The following CACNA2D1 variants were observed in gnomAD, a reference collection of about 807,000 sequenced individuals.
CACNA2D1 encodes the protein calcium voltage-gated channel auxiliary subunit alpha2delta 1, also known as voltage-dependent calcium channel subunit alpha-2/delta-1.
Under a neutral mutation model 171.5 loss-of-function variants are expected in CACNA2D1, and 53 were observed. The ratio of observed to expected loss-of-function variants is 0.31; its 90% CI spans 0.25 to 0.39. The LOEUF is 0.39. Ranked by LOEUF, CACNA2D1 falls within the 10% of genes least tolerant of loss-of-function variation. The probability of loss-of-function intolerance (pLI) is 1.00; values close to 1 mark genes in which losing one functional copy is unlikely to be tolerated. For synonymous variants in CACNA2D1, 442 were observed against 443.1 expected (o/e 1.00, Z 0.03); for missense variants, 903 against 1,299.8 (o/e 0.69, Z 4.69).
At chr7:82,214,246 G>A (rs1368588785) in intron 3 of CACNA2D1, among the ~76,000 whole-genome samples, 2 of 152,146 alleles carry the variant, frequency 1.3e-5, no homozygotes, top group Admixed American at 6.5e-5. Flanking sequence ...CATTTGAAAA[G>A]TAAACTTACC....
intron 3 of CACNA2D1, among the ~76,000 whole-genome samples, chr7:82,310,385 G>A (rs1035950245): frequency 6.6e-6 from 1 of 151,898 alleles, no homozygotes; most frequent in African/African-American, 2.4e-5. Context: ...TAATTTAAAG[G>A]TTGCTTTAAA....
intron 10 of CACNA2D1, among the ~76,000 whole-genome samples, chr7:82,054,349 G>C (rs1345768093): frequency 6.6e-6 from 1 of 152,156 alleles, no homozygotes; most frequent in Non-Finnish European, 1.5e-5. Flanking sequence ...TGTTGCACAT[G>C]GTGGTCTGGG....
At chr7:82,169,389 T>C (rs189778396) in intron 4 of CACNA2D1, among the ~76,000 whole-genome samples, 1 of 151,882 alleles carries the variant, frequency 6.6e-6, no homozygotes, top group East Asian at 1.9e-4. Flanking sequence ...ATCAGTTCAG[T>C]AGAGAATCAA....
chr7:82,183,564 G>C (rs1481589815), intron 3 of CACNA2D1, among the ~76,000 whole-genome samples: 3 of 151,876 alleles, frequency 2.0e-5, no homozygotes. Context: ...CTGAACTTCT[G>C]GTTCTTCTTC....
intron 1 of CACNA2D1, among the ~76,000 whole-genome samples, chr7:82,411,320 T>C (rs1217873388): frequency 1.3e-5 from 2 of 152,212 alleles, no homozygotes; most frequent in African/African-American, 2.4e-5. Context: ...GTCTATATAG[T>C]CCAGAACAGG....
rs1792117872 is a variant in CACNA2D1, at chr7:81,947,301, T to A, written c.*3091A>T. 6.6e-6 allele frequency: 1 copy of A among 151,324 alleles called. No homozygotes were observed. The allele number at this position is 151,324 out of a possible 1,614,324, so 9.4% of individuals were successfully genotyped here. A position where few individuals can be genotyped will look rare whatever the true frequency, so the allele number is the denominator to read the frequency against. On this transcript the variant is annotated 3_prime_UTR_variant, in exon 39 of 39. Transcript: ENST00000356860. ...AATAAAAGGAATATTATAGGAAAAC[T>A]TACAAATGGCAGGAACACTGTTTTT... is the stretch of plus-strand genomic sequence containing the variant.
In CACNA2D1 at chr7:81,950,232, T is replaced by C. The variant is rs576908848; in HGVS notation, c.*160A>G. On this transcript the variant is annotated 3_prime_UTR_variant, in exon 39 of 39. Transcript: ENST00000356860. The stretch of plus-strand genomic sequence containing the variant: ...ATCTGACACCCTGACATGCAGCCAG[T>C]GGGTGCCTTAGGAGTCTGCGCCTTA... 174 of 1,262,830 alleles carry C rather than the reference T, an allele frequency of 1.4e-4. 5 individuals carry two copies. The South Asian group carries it at 2.2e-3, about 16-fold the overall frequency. 78.2% of individuals were successfully genotyped at this position (1,262,830 alleles called of 1,614,324 possible).
chr7:82,392,644 A>G (rs1585782541), intron 1 of CACNA2D1, among the ~76,000 whole-genome samples: 1 of 152,190 alleles, frequency 6.6e-6, no homozygotes, highest in Non-Finnish European at 1.5e-5. Flanking sequence ...GAAGTCCCTG[A>G]CTGGCAAAGT....
chr7:82,376,211 C>T (rs1261019979), intron 1 of CACNA2D1, among the ~76,000 whole-genome samples: 3 of 152,130 alleles, frequency 2.0e-5, no homozygotes, highest in African/African-American at 7.2e-5. Flanking sequence ...GGATATTTAT[C>T]CGTCTTGCCA....
intron 10 of CACNA2D1, among the ~76,000 whole-genome samples, chr7:82,059,400 T>C (rs958331121): frequency 1.3e-5 from 2 of 152,134 alleles, no homozygotes; most frequent in Admixed American, 6.6e-5. Flanking sequence ...CAAATATCTA[T>C]TGGTTTTTAT....
intron 3 of CACNA2D1, among the ~76,000 whole-genome samples, chr7:82,293,648 T>C (rs1811925035): frequency 6.6e-6 from 1 of 152,192 alleles, no homozygotes; most frequent in Non-Finnish European, 1.5e-5. Flanking sequence ...TAGTTTCCTG[T>C]TTTAGAATGA....
chr7:82,170,642 A>G, intron 3 of CACNA2D1, 33 bp from the exon 4 acceptor site: 1 of 1,586,578 alleles, frequency 6.3e-7, no homozygotes, highest in Non-Finnish European at 8.7e-7. Flanking sequence ...TAGAATTCAA[A>G]TGAACACGTA....
chr7:82,050,471 G>A (rs1378085020), intron 10 of CACNA2D1: 1 of 661,592 alleles, frequency 1.5e-6, no homozygotes, highest in Non-Finnish European at 2.7e-6. Flanking sequence ...TAGGTAGTGA[G>A]ATGGGTTTCC....
At chr7:81,973,841 T>C (rs867739391) in intron 25 of CACNA2D1, among the ~76,000 whole-genome samples, 1 of 152,034 alleles carries the variant, frequency 6.6e-6, no homozygotes, top group Admixed American at 6.6e-5. Context: ...GCTTAGAGTA[T>C]GAATGATGCA....
intron 5 of CACNA2D1, among the ~76,000 whole-genome samples, chr7:82,130,166 T>C (rs1188557279): frequency 6.6e-6 from 1 of 152,192 alleles, no homozygotes; most frequent in African/African-American, 2.4e-5. Context: ...GTGATTACAA[T>C]GTGTACTCGA....
intron 29 of CACNA2D1, among the ~76,000 whole-genome samples, chr7:81,968,404 C>T (rs929740971): frequency 1.3e-5 from 2 of 151,354 alleles, no homozygotes. Flanking sequence ...TATTTTATAG[C>T]AAGTTTTTAA....
chr7:81,993,501 C>G (rs1797756519), intron 20 of CACNA2D1, among the ~76,000 whole-genome samples: 1 of 152,156 alleles, frequency 6.6e-6, no homozygotes, highest in South Asian at 2.1e-4. Flanking sequence ...GTTACTATCA[C>G]ATCTTAAATA....
At chr7:82,043,989 AC>A (rs1222612887) in intron 10 of CACNA2D1, among the ~76,000 whole-genome samples, 1 of 152,174 alleles carries the variant, frequency 6.6e-6, no homozygotes, top group Non-Finnish European at 1.5e-5. Flanking sequence ...TCTACTTGAA[AC>A]TTCAGTGAAA....
In CACNA2D1 at chr7:82,281,766, CTTTCA is replaced by C. The variant is rs536822847; in HGVS notation, c.294+53364_294+53368del. Among the ~76,000 whole-genome samples, 305 of 151,918 alleles carry C rather than the reference CTTTCA, an allele frequency of 2.0e-3. 2 individuals carry two copies. The highest frequency in any genetic ancestry group is 7.0e-3 in the African/African-American group (292 of 41,450). ...TATCAAATGTACGTGTCATTATGAACTTTCATTTAATAGCTAAAATGATTTATAAA... is the reference window on the plus strand; with the variant it reads ...TATCAAATGTACGTGTCATTATGAACTTTAATAGCTAAAATGATTTATAAA... On this transcript the variant is annotated intron_variant, in intron 3 of 38. Transcript: ENST00000356860.
Sources: allele counts gnomAD v4.1 joint callset (sites outside exome capture counted in the v4.1 genomes callset), GRCh38; gene constraint gnomAD v4.1.1; transcripts MANE v1.5; gene names NCBI Gene and HGNC (gene_info 2026-07-23, HGNC 2026-07-21).